Variants in B3GALT1 observed in about 807,000 individuals in gnomAD.
The protein encoded by B3GALT1 is UDP-Gal:betaGlcNAc beta 1,3-galactosyltransferase, polypeptide 1.
Under a neutral mutation model 23.2 loss-of-function variants are expected in B3GALT1, and 10 were observed. The ratio of observed to expected loss-of-function variants is 0.43; its 90% CI spans 0.27 to 0.73. The LOEUF is 0.73. Ranked by LOEUF, B3GALT1 falls within the 30% of genes least tolerant of loss-of-function variation. The probability of loss-of-function intolerance (pLI) is 0.21; values close to 1 mark genes in which losing one functional copy is unlikely to be tolerated. For missense variants in B3GALT1, 299 were observed against 405.4 expected, an observed-to-expected ratio of 0.74 and a Z score of 2.25; for synonymous variants, 156 against 141.5, an observed-to-expected ratio of 1.10 and a Z score of -0.73.
intron 3 of B3GALT1, among the ~76,000 whole-genome samples, chr2:167,704,135 C>G (rs1317865072): frequency 6.9e-6 from 1 of 145,834 alleles, no homozygotes; most frequent in East Asian, 2.0e-4. Flanking sequence ...GAGCCGAGAT[C>G]GCACCACTGC....
chr2:167,710,802 C>A (rs1436921234), intron 3 of B3GALT1, among the ~76,000 whole-genome samples: 1 of 152,116 alleles, frequency 6.6e-6, no homozygotes, highest in Non-Finnish European at 1.5e-5. Flanking sequence ...CCTGCTAAGT[C>A]TGCTTTTAAG....
At chr2:167,403,650 C>T (rs1574065479) in intron 1 of B3GALT1, among the ~76,000 whole-genome samples, 2 of 152,116 alleles carry the variant, frequency 1.3e-5, no homozygotes, top group South Asian at 4.2e-4. Flanking sequence ...GGAAGGGAAG[C>T]CCTGCTCTAA....
At chr2:167,368,495 C>CTTTGT (rs1697626945) in intron 1 of B3GALT1, among the ~76,000 whole-genome samples, 1 of 152,094 alleles carries the variant, frequency 6.6e-6, no homozygotes, top group Admixed American at 6.5e-5. Context: ...GCAGAAGTAA[C>CTTTGT]AAAGACTGCT....
Position 167,871,889 on chromosome 2 carries a change from TAC to T in B3GALT1, c.*1870_*1871del, listed in dbSNP as rs1325111793. On this transcript the variant is annotated 3_prime_UTR_variant, in exon 5 of 5. Transcript: ENST00000392690. ...AAAGAGTGTACCTTTTTTATTTATT[TAC>T]TTTTTTTTTTTTTTTTTTTTTTTTT... The T allele has an allele frequency of 4.2e-5, 6 of 141,298 alleles. No individual in the cohort carries two copies. Among genetic ancestry groups the T allele is most frequent in the Non-Finnish European group, 9.2e-5 (6 of 64,936 alleles). The allele number at this position is 141,298 out of a possible 1,614,324, so 8.8% of individuals were successfully genotyped here.
At chr2:167,805,699 G>T (rs913691619) in intron 3 of B3GALT1, among the ~76,000 whole-genome samples, 6 of 152,068 alleles carry the variant, frequency 3.9e-5, no homozygotes, top group African/African-American at 1.4e-4. Context: ...CTCTGTTTTG[G>T]TACCAGTACC....
At chr2:167,567,990 C>T (rs1318229332) in intron 2 of B3GALT1, among the ~76,000 whole-genome samples, 1 of 152,064 alleles carries the variant, frequency 6.6e-6, no homozygotes, top group Admixed American at 6.6e-5. Flanking sequence ...CAGTATGTAG[C>T]ATTTTTCAGA....
chr2:167,343,806 G>C (rs1373184392), intron 1 of B3GALT1, among the ~76,000 whole-genome samples: 1 of 152,080 alleles, frequency 6.6e-6, no homozygotes, highest in Admixed American at 6.6e-5. Flanking sequence ...TGTATCTTCA[G>C]GTTTTAGTTC....
At chr2:167,387,021 A>G (rs1697939505) in intron 1 of B3GALT1, among the ~76,000 whole-genome samples, 1 of 152,096 alleles carries the variant, frequency 6.6e-6, no homozygotes, top group African/African-American at 2.4e-5. Flanking sequence ...TCATCATATC[A>G]TATCATATCA....
At chr2:167,362,754 T>A (rs1475335399) in intron 1 of B3GALT1, among the ~76,000 whole-genome samples, 2 of 152,208 alleles carry the variant, frequency 1.3e-5, no homozygotes, top group Non-Finnish European at 2.9e-5. Context: ...GTAAAACGCA[T>A]GTTGTGTGCA....
intron 2 of B3GALT1, among the ~76,000 whole-genome samples, chr2:167,559,736 G>A (rs1003233202): frequency 5.9e-5 from 9 of 152,172 alleles, no homozygotes; most frequent in Non-Finnish European, 7.3e-5. Flanking sequence ...GAAATGAAGC[G>A]AGAAGGGAAG....
chr2:167,562,417 C>T (rs1378480759), intron 2 of B3GALT1, among the ~76,000 whole-genome samples: 4 of 152,166 alleles, frequency 2.6e-5, no homozygotes, highest in Admixed American at 2.0e-4. Context: ...TGCCCTCTCT[C>T]ACCACTCCTA....
intron 1 of B3GALT1, among the ~76,000 whole-genome samples, chr2:167,408,807 A>AAACC (rs1553517663): frequency 3.6e-5 from 5 of 138,078 alleles, no homozygotes; most frequent in South Asian, 2.2e-4. Flanking sequence ...ACAAAAAAAA[A>AAACC]AAAAAACAAA....
At chr2:167,298,105 A>G (rs1288478019) in intron 1 of B3GALT1, among the ~76,000 whole-genome samples, 1 of 152,160 alleles carries the variant, frequency 6.6e-6, no homozygotes, top group African/African-American at 2.4e-5. Flanking sequence ...TAAACCAACA[A>G]ATGGTTACCA....
intron 1 of B3GALT1, among the ~76,000 whole-genome samples, chr2:167,465,193 T>C (rs113189763): frequency 0.025 from 3,783 of 152,288 alleles, 152 homozygotes; most frequent in African/African-American, 0.086. Flanking sequence ...TGTTTGAGTT[T>C]GTGTATTTAT....
intron 3 of B3GALT1, among the ~76,000 whole-genome samples, chr2:167,662,447 C>T (rs1839191): frequency 0.81 from 123,099 of 151,966 alleles, 52,801 homozygotes; most frequent in Non-Finnish European, 0.96. Flanking sequence ...CATCCCACTG[C>T]CCCTAATGCT....
intron 2 of B3GALT1, among the ~76,000 whole-genome samples, chr2:167,622,061 C>T (rs1685269537): frequency 6.6e-6 from 1 of 152,118 alleles, no homozygotes; most frequent in South Asian, 2.1e-4. Flanking sequence ...TTATATCATA[C>T]ACATTCATTA....
At chr2:167,408,800 A>AG (rs1698349624) in intron 1 of B3GALT1, among the ~76,000 whole-genome samples, 1 of 57,924 alleles carries the variant, frequency 1.7e-5, no homozygotes, top group East Asian at 5.4e-4. Context: ...GATGTATACA[A>AG]AAAAAAAAAA....
chr2:167,554,916 A>G (rs1438830697), intron 2 of B3GALT1, among the ~76,000 whole-genome samples: 2 of 152,178 alleles, frequency 1.3e-5, no homozygotes, highest in African/African-American at 4.8e-5. Flanking sequence ...TCATCATAAA[A>G]CATGTTAATT....
intron 3 of B3GALT1, among the ~76,000 whole-genome samples, chr2:167,781,471 A>G (rs1429242618): frequency 6.6e-6 from 1 of 152,204 alleles, no homozygotes; most frequent in Non-Finnish European, 1.5e-5. Flanking sequence ...TACTACATTT[A>G]ATAAGGCACA....
Sources: allele counts gnomAD v4.1 joint callset (sites outside exome capture counted in the v4.1 genomes callset), GRCh38; gene constraint gnomAD v4.1.1; transcripts MANE v1.5; gene names NCBI Gene and HGNC (gene_info 2026-07-23, HGNC 2026-07-21).